Variants in PARD3 observed in about 807,000 individuals in gnomAD.
PARD3 encodes the protein par-3 family cell polarity regulator.
Under a neutral mutation model 155.4 loss-of-function variants are expected in PARD3, and 75 were observed. The ratio of observed to expected loss-of-function variants is 0.48; its 90% CI spans 0.40 to 0.58. PARD3 has a LOEUF of 0.58. PARD3 is among the 20% of genes least tolerant of loss of function. PARD3 has a pLI of 0.00. For missense variants in PARD3, 1,642 were observed against 1,721.7 expected, an observed-to-expected ratio of 0.95 and a Z score of 0.82; for synonymous variants, 576 against 610.5, an observed-to-expected ratio of 0.94 and a Z score of 0.83.
intron 2 of PARD3, among the ~76,000 whole-genome samples, chr10:34,584,657 A>G (rs1402279831): frequency 6.6e-6 from 1 of 152,104 alleles, no homozygotes; most frequent in East Asian, 1.9e-4. Context: ...ATGTTTGTCT[A>G]TTATTTTTCA....
At chr10:34,233,016 A>C (rs924027381) in intron 22 of PARD3, among the ~76,000 whole-genome samples, 1 of 85,772 alleles carries the variant, frequency 1.2e-5, no homozygotes, top group African/African-American at 5.0e-5. Context: ...CTCAAATGTT[A>C]ATTTTTTTTT....
intron 2 of PARD3, among the ~76,000 whole-genome samples, chr10:34,627,367 A>C (rs2092032114): frequency 6.6e-6 from 1 of 152,138 alleles, no homozygotes; most frequent in East Asian, 1.9e-4. Flanking sequence ...CCCTCTCCCG[A>C]CAAAAAAATA....
At chr10:34,234,581 T>C (rs987885351) in intron 22 of PARD3, among the ~76,000 whole-genome samples, 1 of 152,192 alleles carries the variant, frequency 6.6e-6, no homozygotes, top group Non-Finnish European at 1.5e-5. Context: ...CTTCTTTGCA[T>C]CCTTCAGTAC....
chr10:34,157,929 G>A (rs12784304), intron 22 of PARD3, among the ~76,000 whole-genome samples: 4,259 of 152,246 alleles, frequency 0.028, 80 homozygotes, highest in Non-Finnish European at 0.04. Flanking sequence ...CAATAAAAGC[G>A]CTATATTTCA....
chr10:34,120,579 T>C (rs1316077419), intron 23 of PARD3, among the ~76,000 whole-genome samples: 2 of 152,286 alleles, frequency 1.3e-5, no homozygotes, highest in East Asian at 3.9e-4. Flanking sequence ...ATTCCCTTTC[T>C]AGTACAGGAT....
chr10:34,814,089 C>T (rs1483057688), intron 1 of PARD3, among the ~76,000 whole-genome samples: 1 of 152,154 alleles, frequency 6.6e-6, no homozygotes, highest in Non-Finnish European at 1.5e-5. Flanking sequence ...TGGAACCAGC[C>T]CGGGATAGGT....
At chr10:34,438,346 T>C (rs1184805669) in intron 5 of PARD3, among the ~76,000 whole-genome samples, 1 of 152,224 alleles carries the variant, frequency 6.6e-6, no homozygotes, top group Non-Finnish European at 1.5e-5. Flanking sequence ...TTTTTTCTTT[T>C]TGTCATATGC....
intron 2 of PARD3, among the ~76,000 whole-genome samples, chr10:34,652,241 G>A (rs1297587796): frequency 5.3e-5 from 8 of 152,132 alleles, no homozygotes; most frequent in Non-Finnish European, 8.8e-5. Context: ...GCCTCTCTTC[G>A]TGTGTGATTT....
intron 1 of PARD3, among the ~76,000 whole-genome samples, chr10:34,724,959 T>G (rs1341927243): frequency 6.6e-6 from 1 of 152,176 alleles, no homozygotes; most frequent in Non-Finnish European, 1.5e-5. Flanking sequence ...GTACAAGCAA[T>G]GGAGCCTAGG....
chr10:34,695,500 T>C (rs549489533), intron 2 of PARD3, among the ~76,000 whole-genome samples: 1 of 149,620 alleles, frequency 6.7e-6, no homozygotes, highest in Admixed American at 6.7e-5. Flanking sequence ...AAAAAAGAAT[T>C]TGCTGACTTC....
chr10:34,391,562 T>A (rs891440650), intron 7 of PARD3, among the ~76,000 whole-genome samples: 3 of 152,182 alleles, frequency 2.0e-5, no homozygotes, highest in Non-Finnish European at 4.4e-5. Context: ...GTATGGTATG[T>A]CTCAAGACCA....
chr10:34,432,553 A>T (rs1163428564), intron 5 of PARD3, among the ~76,000 whole-genome samples: 1 of 152,114 alleles, frequency 6.6e-6, no homozygotes, highest in East Asian at 1.9e-4. Context: ...GAAATTAACT[A>T]CTCATGATTT....
chr10:34,776,137 A>G (rs764932962), intron 1 of PARD3, among the ~76,000 whole-genome samples: 4 of 152,234 alleles, frequency 2.6e-5, no homozygotes, highest in East Asian at 1.9e-4. Flanking sequence ...AAATTCATCC[A>G]TAACTCTGAC....
At chr10:34,156,336 A>T (rs751304310) in intron 22 of PARD3, among the ~76,000 whole-genome samples, 53 of 152,066 alleles carry the variant, frequency 3.5e-4, no homozygotes, top group Non-Finnish European at 6.9e-4. Flanking sequence ...GGCTCCAGTG[A>T]TCCTGCTTCC....
At chr10:34,633,505 G>T (rs2092353787) in intron 2 of PARD3, among the ~76,000 whole-genome samples, 1 of 152,186 alleles carries the variant, frequency 6.6e-6, no homozygotes, top group African/African-American at 2.4e-5. Flanking sequence ...CATACACGTT[G>T]TCACAGATGA....
chr10:34,486,583 G>A lies in PARD3; in HGVS notation c.404-16320C>T, dbSNP rs74132028. 7.3e-3 allele frequency among the ~76,000 whole-genome samples: 1,117 copies of A among 152,320 alleles called. 13 individuals carry two copies. The highest frequency in any genetic ancestry group is 0.026 in the African/African-American group (1,066 of 41,562). ...GATGTGATTGGAAACAATGTGATTA[G>A]AAGGTGACAAAGCAAACAAGGTAGC... On this transcript the variant is annotated intron_variant, in intron 3 of 24. Transcript: ENST00000374788.
At chr10:34,478,668 C>T (rs905692756) in intron 3 of PARD3, among the ~76,000 whole-genome samples, 2 of 152,144 alleles carry the variant, frequency 1.3e-5, no homozygotes, top group East Asian at 1.9e-4. Context: ...CTCAGCCTTC[C>T]GAGTAGCTGG....
At chr10:34,307,402 T>G (rs2134062928) in intron 20 of PARD3, among the ~76,000 whole-genome samples, 1 of 152,092 alleles carries the variant, frequency 6.6e-6, no homozygotes, top group Admixed American at 6.5e-5. Context: ...ACAGGCAAAC[T>G]CTGGGAGCAG....
At chr10:34,240,172 A>G (rs573320063) in intron 22 of PARD3, among the ~76,000 whole-genome samples, 1 of 152,330 alleles carries the variant, frequency 6.6e-6, no homozygotes, top group South Asian at 2.1e-4. Context: ...ATAAATCCAT[A>G]AAATGAAAGA....
Sources: allele counts gnomAD v4.1 joint callset (sites outside exome capture counted in the v4.1 genomes callset), GRCh38; gene constraint gnomAD v4.1.1; transcripts MANE v1.5; gene names NCBI Gene and HGNC (gene_info 2026-07-23, HGNC 2026-07-21).